Variants in LHFPL4 observed in about 807,000 individuals in gnomAD.
LHFPL4 encodes the protein LHFPL tetraspan subfamily member 4 protein.
Under a neutral mutation model 20.0 loss-of-function variants are expected in LHFPL4, and 6 were observed. The ratio of observed to expected loss-of-function variants is 0.30; its 90% confidence interval spans 0.16 to 0.59. The LOEUF is 0.59. Ranked by LOEUF, LHFPL4 falls within the 20% of genes least tolerant of loss-of-function variation. The probability of loss-of-function intolerance (pLI) is 0.88; values close to 1 mark genes in which losing one functional copy is unlikely to be tolerated. For synonymous variants in LHFPL4, 129 were observed against 143.8 expected, an observed-to-expected ratio of 0.90 and a Z score of 0.74; for missense variants, 215 against 331.2, an observed-to-expected ratio of 0.65 and a Z score of 2.72.
chr3:9,534,557 G>A, intron 2 of LHFPL4, among the ~76,000 whole-genome samples: 1 of 152,110 alleles, frequency 6.6e-6, no homozygotes, highest in East Asian at 1.9e-4. Flanking sequence ...TGACAACCTT[G>A]GCTCCTTCTA....
chr3:9,542,959 G>A lies in LHFPL4; in HGVS notation c.406+9315C>T, dbSNP rs142072810. ...GGGGTTAATGGGTGATAGCTAAAGTGCATGAGGTTTCTTTCTGAGATAATG... is the reference window on the plus strand; with the variant it reads ...GGGGTTAATGGGTGATAGCTAAAGTACATGAGGTTTCTTTCTGAGATAATG... On this transcript the variant is annotated intron_variant, in intron 2 of 3. Coordinates refer to ENST00000287585, the MANE Select transcript of LHFPL4 (RefSeq NM_198560.3). Among the ~76,000 whole-genome samples the A allele has an allele frequency of 3.7e-4, 56 of 152,230 alleles. No individual in the cohort carries two copies. The East Asian group carries it at 6.2e-3, about 17-fold the overall frequency.
At chr3:9,511,709 A>G (rs1048111098) in intron 2 of LHFPL4, among the ~76,000 whole-genome samples, 1 of 152,174 alleles carries the variant, frequency 6.6e-6, no homozygotes, top group African/African-American at 2.4e-5. Flanking sequence ...CTGAGGGCCG[A>G]TTTCTCTTTG....
chr3:9,552,494 G>C lies in LHFPL4; in HGVS notation c.186C>G (p.Phe62Leu). 6.2e-7 allele frequency: 1 copy of C among 1,613,604 alleles called. No homozygotes were observed. The highest frequency in any genetic ancestry group is 8.5e-7 in the Non-Finnish European group (1 of 1,179,922). Residue 62 changes from phenylalanine to leucine, a missense_variant, in exon 2 of 4, where the codon TTC becomes TTG. Phe to Leu is a conservative substitution (Grantham distance 22). Around this residue, in one of 2 missense-constraint regions of LHFPL4, gnomAD observed 164 missense variants for 286.7 expected, o/e 0.57. Coordinates refer to ENST00000287585, the MANE Select transcript of LHFPL4 (RefSeq NM_198560.3). Reference protein sequence around the residue: ...STPKPGYFGLFHYCVGSGLAG... With the variant: ...STPKPGYFGLLHYCVGSGLAG... The stretch of plus-strand genomic sequence containing the variant: ...CCAGCCCGCTGCCCACGCAGTAGTG[G>C]AAGAGGCCGAAGTAGCCAGGCTTGG...
Position 9,501,909 on chromosome 3 carries a change from A to G in LHFPL4, c.*302T>C, listed in dbSNP as rs931282365. 1 of 355,406 alleles carries G rather than the reference A, an allele frequency of 2.8e-6. No individual in the cohort carries two copies. The allele number at this position is 355,406 out of a possible 1,614,324, so 22.0% of individuals were successfully genotyped here. ...AGCTCCGCTCTCCCTGGGGATCTGC[A>G]GGGACCTCCAGGCCAGTCTAGAGAG... On this transcript the variant is annotated 3_prime_UTR_variant, in exon 4 of 4. Coordinates refer to ENST00000287585, the MANE Select transcript of LHFPL4 (RefSeq NM_198560.3).
Position 9,525,355 on chromosome 3 carries a change from T to C in LHFPL4, c.407-19152A>G, listed in dbSNP as rs1195421194. 3.9e-5 allele frequency among the ~76,000 whole-genome samples: 6 copies of C among 152,234 alleles called. No homozygotes were observed. The East Asian group carries it at 1.2e-3, about 29-fold the overall frequency. The stretch of plus-strand genomic sequence containing the variant: ...AATTACAATTCAGTTTTCCCTTGCC[T>C]GGGCATTGGTTCCCATAAAGGTTTC... On this transcript the variant is annotated intron_variant, in intron 2 of 3. Transcript: ENST00000287585.
chr3:9,547,896 C>A (rs1352865101), intron 2 of LHFPL4, among the ~76,000 whole-genome samples: 1 of 152,168 alleles, frequency 6.6e-6, no homozygotes, highest in Non-Finnish European at 1.5e-5. Flanking sequence ...ACCTCCGCCT[C>A]CCAGGCTCAA....
intron 2 of LHFPL4, among the ~76,000 whole-genome samples, chr3:9,516,100 T>C (rs1331506086): frequency 2.0e-5 from 3 of 152,210 alleles, no homozygotes; most frequent in African/African-American, 7.2e-5. Flanking sequence ...CAGAACTTTT[T>C]AACTTTAATG....
At chr3:9,535,761 G>A (rs1297010050) in intron 2 of LHFPL4, among the ~76,000 whole-genome samples, 2 of 151,914 alleles carry the variant, frequency 1.3e-5, no homozygotes, top group Non-Finnish European at 2.9e-5. Flanking sequence ...TGGGGCCACA[G>A]CTTGCTTGCT....
At chr3:9,522,051 A>T (rs180971592) in intron 2 of LHFPL4, among the ~76,000 whole-genome samples, 1 of 152,134 alleles carries the variant, frequency 6.6e-6, no homozygotes, top group Non-Finnish European at 1.5e-5. Flanking sequence ...TACTTAAAAA[A>T]ATTTTTAAGT....
chr3:9,518,000 T>C (rs2046315256), intron 2 of LHFPL4, among the ~76,000 whole-genome samples: 1 of 152,146 alleles, frequency 6.6e-6, no homozygotes, highest in Non-Finnish European at 1.5e-5. Flanking sequence ...TTGTTCTTGA[T>C]CTTAGTGGGA....
intron 2 of LHFPL4, among the ~76,000 whole-genome samples, chr3:9,523,620 G>T (rs1487785826): frequency 6.6e-6 from 1 of 151,722 alleles, no homozygotes; most frequent in East Asian, 2.0e-4. Flanking sequence ...TTACAGGCGT[G>T]TGCCACCATG....
chr3:9,506,254 A>G lies in LHFPL4; in HGVS notation c.407-51T>C. 1 of 1,470,172 alleles carries G rather than the reference A, an allele frequency of 6.8e-7. No individual in the cohort carries two copies. The allele number at this position is 1,470,172 out of a possible 1,614,324, so 91.1% of individuals were successfully genotyped here. A position where few individuals can be genotyped will look rare whatever the true frequency, so the allele number is the denominator to read the frequency against. On this transcript the variant is annotated intron_variant, in intron 2 of 3. Transcript: ENST00000287585. The surrounding 1 kb of genome is among the most constrained non-coding windows in gnomAD (Gnocchi z 4.5). Reference sequence around the variant, plus strand: ...CACCACGGTCAGGAAGGAAGAGAAAAGACCATTACTCGCTAGTGTCCGCAG... The same window carrying G: ...CACCACGGTCAGGAAGGAAGAGAAAGGACCATTACTCGCTAGTGTCCGCAG...
intron 2 of LHFPL4, among the ~76,000 whole-genome samples, chr3:9,549,619 C>T (rs2046540082): frequency 6.6e-6 from 1 of 152,158 alleles, no homozygotes; most frequent in Non-Finnish European, 1.5e-5. Flanking sequence ...ATCACTTGAA[C>T]CCAGAAGGCG....
intron 2 of LHFPL4, among the ~76,000 whole-genome samples, chr3:9,513,557 T>A (rs1041133416): frequency 5.9e-5 from 9 of 152,154 alleles, no homozygotes; most frequent in African/African-American, 1.9e-4. Context: ...GGTCTCGAAC[T>A]CCTGGCCTCA....
At chr3:9,505,942 G>A in intron 3 of LHFPL4, 25 bp downstream of exon 3, 1 of 1,602,274 alleles carries the variant, frequency 6.2e-7, no homozygotes, top group Non-Finnish European at 8.5e-7. Flanking sequence ...TCCCGCCGCT[G>A]CCCCCCAGCC....
Position 9,499,857 on chromosome 3 carries a change from C to T in LHFPL4, c.*2354G>A, listed in dbSNP as rs1354841037. On this transcript the variant is annotated 3_prime_UTR_variant, in exon 4 of 4. Coordinates refer to ENST00000287585, the MANE Select transcript of LHFPL4 (RefSeq NM_198560.3). ...CCCTCCCCACTGCCCCGCATCCTGG[C>T]TCCTTCATCCTCCTCTCCTTCCTCT... 1.3e-5 allele frequency: 2 copies of T among 150,274 alleles called. No individual in the cohort carries two copies. The highest frequency in any genetic ancestry group is 4.9e-5 in the African/African-American group (2 of 40,760). 9.3% of individuals were successfully genotyped at this position (150,274 alleles called of 1,614,324 possible).
chr3:9,532,685 C>T (rs945393484), intron 2 of LHFPL4, among the ~76,000 whole-genome samples: 1 of 152,192 alleles, frequency 6.6e-6, no homozygotes, highest in African/African-American at 2.4e-5. Context: ...ACACCATCCT[C>T]TTTTAGGGAG....
chr3:9,510,109 C>T (rs1160611455), intron 2 of LHFPL4, among the ~76,000 whole-genome samples: 2 of 152,146 alleles, frequency 1.3e-5, no homozygotes, highest in Non-Finnish European at 2.9e-5. Flanking sequence ...CATCGGTGGC[C>T]TCTACCCACC....
At chr3:9,523,585 G>A (rs2046354651) in intron 2 of LHFPL4, among the ~76,000 whole-genome samples, 1 of 151,376 alleles carries the variant, frequency 6.6e-6, no homozygotes, top group Non-Finnish European at 1.5e-5. Flanking sequence ...CAATTCTCCT[G>A]CCCCAGCCTC....
Sources: allele counts gnomAD v4.1 joint callset (sites outside exome capture counted in the v4.1 genomes callset), GRCh38; gene constraint gnomAD v4.1.1; regional missense constraint gnomAD v4.1.1; non-coding constraint Gnocchi (gnomAD v3.1); transcripts MANE v1.5; gene names NCBI Gene and HGNC (gene_info 2026-07-23, HGNC 2026-07-21).